The following MAP3K21 variants were observed in gnomAD, a reference collection of about 807,000 sequenced individuals.
The protein encoded by MAP3K21 is mitogen-activated protein kinase kinase kinase 21.
In MAP3K21, 63 loss-of-function variants were observed where a neutral mutation model predicts 86.1. That is an observed-to-expected ratio of 0.73 (90% CI 0.60 to 0.90). MAP3K21 has a LOEUF of 0.90. Among genes scored for constraint, MAP3K21 ranks in the 40% least tolerant of loss-of-function variants. The probability of loss-of-function intolerance (pLI) is 0.00; values close to 1 mark genes in which losing one functional copy is unlikely to be tolerated. For synonymous variants in MAP3K21, 558 were observed against 564.8 expected (o/e 0.99, Z 0.17); for missense variants, 1,220 against 1,367.7 (o/e 0.89, Z 1.70).
At chr1:233,347,387 G>C (rs1284324045) in intron 2 of MAP3K21, among the ~76,000 whole-genome samples, 1 of 152,130 alleles carries the variant, frequency 6.6e-6, no homozygotes, top group Non-Finnish European at 1.5e-5. Flanking sequence ...TTTCCATTCA[G>C]CTTTGTCTCA....
At chr1:233,339,999 T>C (rs1285865711) in intron 1 of MAP3K21, among the ~76,000 whole-genome samples, 1 of 152,108 alleles carries the variant, frequency 6.6e-6, no homozygotes, top group African/African-American at 2.4e-5. Flanking sequence ...TGCTGTGCAG[T>C]ATTAAAAAAA....
Position 233,328,877 on chromosome 1 carries a change from C to A in MAP3K21, c.805+44C>A. 6.9e-7 allele frequency: 1 copy of A among 1,442,256 alleles called. No homozygotes were observed. The highest frequency in any genetic ancestry group is 9.2e-7 in the Non-Finnish European group (1 of 1,091,458). The allele number at this position is 1,442,256 out of a possible 1,614,324, so 89.3% of individuals were successfully genotyped here. On this transcript the variant is annotated intron_variant, in intron 1 of 9. Transcript: ENST00000366624. This position sits in a 1 kb window ranked among gnomAD's most constrained non-coding sequence, Gnocchi z 8.7. ...AGGTGGGGGAAGACTACCTCCGTGC[C>A]AGCCCAGGCGGGCTCCACAGGACAT...
In MAP3K21 at chr1:233,353,731, G is replaced by C. The variant is rs1429096057; in HGVS notation, c.987-76G>C. ...TTAGGAATGGATGAAGGTACTGAAG[G>C]GTTTATCTCACTAAGTGTGTCATAA... On this transcript the variant is annotated intron_variant, in intron 2 of 9. Coordinates refer to ENST00000366624, the MANE Select transcript of MAP3K21 (RefSeq NM_032435.3). 3 of 1,338,778 alleles carry C rather than the reference G, an allele frequency of 2.2e-6. No individual in the cohort carries two copies. In the South Asian group the frequency reaches 5.9e-5, roughly 26 times the overall value. The allele number at this position is 1,338,778 out of a possible 1,614,324, so 82.9% of individuals were successfully genotyped here.
chr1:233,375,959 C>G lies in MAP3K21; in HGVS notation c.1719C>G (p.Val573=), dbSNP rs1465594904. 2 of 1,611,280 alleles carry G rather than the reference C, an allele frequency of 1.2e-6. No individual in the cohort carries two copies. The highest frequency in any genetic ancestry group is 1.7e-6 in the Non-Finnish European group (2 of 1,179,026). Residue 573 remains valine (V), a synonymous_variant, in exon 7 of 10, where the codon GTC becomes GTG. Coordinates refer to ENST00000366624, the MANE Select transcript of MAP3K21 (RefSeq NM_032435.3). ...ESNKTWGRNT[V]FRQEEFEDVK... is the part of the protein sequence containing the mutation. ...ATAAAACTTGGGGAAGGAACACAGT[C>G]TTTCGACAAGAAGAATTTGAGGATG... is the stretch of plus-strand genomic sequence containing the variant.
chr1:233,348,764 T>C (rs1663195225), intron 2 of MAP3K21, among the ~76,000 whole-genome samples: 1 of 152,190 alleles, frequency 6.6e-6, no homozygotes, highest in Non-Finnish European at 1.5e-5. Context: ...TCCCTTTTTT[T>C]ACATAAAAGA....
In MAP3K21 at chr1:233,379,046, A is replaced by G. The variant is rs1368423771; in HGVS notation, c.2040A>G (p.Arg680=). ...IDLPLGKDAQ[R]ENPAEAESWE... ...TACCTCTTGGGAAAGATGCTCAGAGAGAGAATCCTGCAGAAGCTGAAAGCT... is the reference window on the plus strand; with the variant it reads ...TACCTCTTGGGAAAGATGCTCAGAGGGAGAATCCTGCAGAAGCTGAAAGCT... The change falls in exon 9 of 10, where the codon AGA becomes AGG. Residue 680 remains arginine (R), a synonymous_variant. Transcript: ENST00000366624. 8 of 1,614,210 alleles carry G rather than the reference A, an allele frequency of 5.0e-6. No individual in the cohort carries two copies. The highest frequency in any genetic ancestry group is 1.7e-5 in the Admixed American group (1 of 60,034).
Position 233,328,415 on chromosome 1 carries a change from C to A in MAP3K21, c.387C>A (p.Leu129=). 6 of 1,494,220 alleles carry A rather than the reference C, an allele frequency of 4.0e-6. No homozygotes were observed. The highest frequency in any genetic ancestry group is 5.3e-6 in the Non-Finnish European group (6 of 1,130,124). 92.6% of individuals were successfully genotyped at this position (1,494,220 alleles called of 1,614,324 possible). Residue 129 remains leucine (L), a synonymous_variant, in exon 1 of 10, where the codon CTC becomes CTA. Transcript: ENST00000366624. This position sits in a 1 kb window ranked among gnomAD's most constrained non-coding sequence, Gnocchi z 8.7. ...VAFERLELKE[L]IGAGGFGQVY... The stretch of plus-strand genomic sequence containing the variant: ...TCGAGCGGCTGGAGCTGAAGGAGCT[C>A]ATCGGCGCTGGGGGCTTCGGGCAGG...
rs1663971539 is a variant in MAP3K21 at position 233,384,505 on chromosome 1, A to T, written c.*1794A>T. On this transcript the variant is annotated 3_prime_UTR_variant, in exon 10 of 10. Coordinates refer to ENST00000366624, the MANE Select transcript of MAP3K21 (RefSeq NM_032435.3). ...TTTGGTTTTCCCAAAATGTTATCAC[A>T]TTTGAAACTATGATTGCTTTGTGTT... 6.6e-6 allele frequency: 1 copy of T among 152,212 alleles called. No homozygotes were observed. The highest frequency in any genetic ancestry group is 2.4e-5 in the African/African-American group (1 of 41,454). The allele number at this position is 152,212 out of a possible 1,614,324, so 9.4% of individuals were successfully genotyped here. A position where few individuals can be genotyped will look rare whatever the true frequency, so the allele number is the denominator to read the frequency against.
At chr1:233,338,581 CTAAG>C (rs1662960223) in intron 1 of MAP3K21, among the ~76,000 whole-genome samples, 1 of 152,128 alleles carries the variant, frequency 6.6e-6, no homozygotes, top group South Asian at 2.1e-4. Flanking sequence ...TCAGCAGTAT[CTAAG>C]TAAGTGAGGA....
At position 233,327,912 on chromosome 1, in the gene MAP3K21, C is replaced by T; in HGVS notation, c.-117C>T. The T allele has an allele frequency of 1.3e-6, 1 of 787,470 alleles. No homozygotes were observed. The highest frequency in any genetic ancestry group is 1.7e-6 in the Non-Finnish European group (1 of 586,956). The allele number at this position is 787,470 out of a possible 1,614,324, so 48.8% of individuals were successfully genotyped here. On this transcript the variant is annotated 5_prime_UTR_variant, in exon 1 of 10. Coordinates refer to ENST00000366624, the MANE Select transcript of MAP3K21 (RefSeq NM_032435.3). ...ATCTCTGCCGTCACCGATCGCGATT[C>T]CTACCCCCTCGCCTTCCCCCGGCGC...
At chr1:233,359,847 C>G (rs1349686865) in intron 4 of MAP3K21, among the ~76,000 whole-genome samples, 1 of 152,066 alleles carries the variant, frequency 6.6e-6, no homozygotes, top group African/African-American at 2.4e-5. Context: ...GTTCTAATAC[C>G]CCAGTTTTAA....
intron 4 of MAP3K21, among the ~76,000 whole-genome samples, chr1:233,356,815 T>C (rs1382350238): frequency 1.3e-5 from 2 of 152,214 alleles, no homozygotes; most frequent in African/African-American, 2.4e-5. Flanking sequence ...ATAAATGAAA[T>C]GATGTATAAT....
intron 6 of MAP3K21, 195 bp from the exon 7 acceptor site, chr1:233,375,721 C>A (rs1007379248): frequency 1.9e-6 from 1 of 528,136 alleles, no homozygotes; most frequent in East Asian, 3.3e-5. Context: ...TTAACTTACT[C>A]CATTTTTCTT....
intron 2 of MAP3K21, 44 bp from the exon 3 acceptor site, chr1:233,353,763 G>T (rs1255473123): frequency 6.8e-7 from 1 of 1,471,798 alleles, no homozygotes; most frequent in Non-Finnish European, 9.0e-7. Context: ...ATAAGGAAAA[G>T]ACACTGTTTA....
At chr1:233,369,580 T>C (rs1377090493) in intron 5 of MAP3K21, among the ~76,000 whole-genome samples, 1 of 152,206 alleles carries the variant, frequency 6.6e-6, no homozygotes, top group Non-Finnish European at 1.5e-5. Flanking sequence ...CTCTACCCGC[T>C]TTGTACAGCC....
chr1:233,339,670 G>C (rs1330070059), intron 1 of MAP3K21, among the ~76,000 whole-genome samples: 5 of 151,866 alleles, frequency 3.3e-5, no homozygotes, highest in Admixed American at 3.3e-4. Flanking sequence ...CTTTTGTAGG[G>C]GTTGGTTCTC....
In MAP3K21 at chr1:233,328,172, CTACGA is replaced by C; in HGVS notation, c.145_149del (p.Tyr49GlyfsTer203). The C allele has an allele frequency of 6.8e-7, 1 of 1,475,024 alleles. No individual in the cohort carries two copies. Among genetic ancestry groups the C allele is most frequent in the Non-Finnish European group, 8.9e-7 (1 of 1,120,428 alleles). The allele number at this position is 1,475,024 out of a possible 1,614,324, so 91.4% of individuals were successfully genotyped here. A position where few individuals can be genotyped will look rare whatever the true frequency, so the allele number is the denominator to read the frequency against. ...CGGGGCTGTGGGCCGCGCTCTATGA[CTACGA>C]GGCTCGCGGCGAGGACGAGCTGAGC... On this transcript the variant is annotated frameshift_variant, in exon 1 of 10. Coordinates refer to ENST00000366624, the MANE Select transcript of MAP3K21 (RefSeq NM_032435.3). LOFTEE classifies it high-confidence loss of function. The surrounding 1 kb of genome is among the most constrained non-coding windows in gnomAD (Gnocchi z 8.7).
chr1:233,362,534 C>T (rs1295885850), intron 5 of MAP3K21, among the ~76,000 whole-genome samples: 2 of 152,126 alleles, frequency 1.3e-5, no homozygotes, highest in East Asian at 3.8e-4. Flanking sequence ...TAACCCTCAG[C>T]GTACTTTCAT....
chr1:233,372,123 C>T lies in MAP3K21; in HGVS notation c.1638C>T (p.Ser546=). 6.2e-7 allele frequency: 1 copy of T among 1,614,156 alleles called. No homozygotes were observed. The highest frequency in any genetic ancestry group is 8.5e-7 in the Non-Finnish European group (1 of 1,180,006). ...SLNSSSSSPP[S]SPTMMPRLRA... ...ACAGCAGCAGTTCCAGTCCCCCGAG[C>T]AGCCCCACAATGATGCCCCGACTCC... is the stretch of plus-strand genomic sequence containing the variant. Residue 546 remains serine (S), a synonymous_variant, in exon 6 of 10, where the codon AGC becomes AGT. Transcript: ENST00000366624.
Sources: gnomAD v4.1 joint callset for allele counts (sites outside exome capture counted in the v4.1 genomes callset) on GRCh38, gnomAD v4.1.1 for gene constraint, Gnocchi (gnomAD v3.1) non-coding constraint, MANE v1.5 for transcripts, NCBI Gene and HGNC (gene_info 2026-07-23, HGNC 2026-07-21) for gene names.